The following CEP89 variants were observed in gnomAD, a reference collection of about 807,000 sequenced individuals.
The protein encoded by CEP89 is centrosomal protein of 89 kDa.
In CEP89, 95 loss-of-function variants were observed where a neutral mutation model predicts 97.6. The observed-to-expected ratio is 0.97, with a 90% CI of 0.82 to 1.15. CEP89 has a LOEUF of 1.15. CEP89 is among the 50% of genes most tolerant of loss of function. CEP89 has a pLI of 0.00. For synonymous variants in CEP89, 354 were observed against 349.1 expected, an observed-to-expected ratio of 1.01 and a Z score of -0.16; for missense variants, 869 against 947.7, an observed-to-expected ratio of 0.92 and a Z score of 1.09.
In CEP89 at chr19:32,953,773, T is replaced by A. The variant is rs1263458874; in HGVS notation, c.334A>T (p.Arg112Ter). Residue 112 changes from arginine to a stop codon, truncating the protein, a stop_gained, in exon 4 of 19, where the codon AGA (arginine) becomes TGA (stop). Transcript: ENST00000305768. LOFTEE classifies it high-confidence loss of function. ...RPNWQSEMGR[R>*]SSLPSFETLD... ...GTTTCAAAGGATGGCAAAGAAGATC[T>A]TCTTCCCATCTCACTCTGCCAATTT... is the stretch of plus-strand genomic sequence containing the variant. The A allele has an allele frequency of 6.2e-7, 1 of 1,614,068 alleles. No homozygotes were observed. Among genetic ancestry groups the A allele is most frequent in the Middle Eastern group, 1.7e-4 (1 of 6,058 alleles).
chr19:32,967,321 C>T (rs1040847975), intron 1 of CEP89, among the ~76,000 whole-genome samples: 1 of 152,116 alleles, frequency 6.6e-6, no homozygotes, highest in Admixed American at 6.6e-5. Context: ...GTTTCTGGGT[C>T]TAGTCCAATC....
chr19:32,899,396 G>A (rs1969716264), intron 16 of CEP89, among the ~76,000 whole-genome samples: 2 of 152,236 alleles, frequency 1.3e-5, no homozygotes, highest in Non-Finnish European at 2.9e-5. Flanking sequence ...AGCTTCCTGA[G>A]TAGCTGGGAC....
intron 14 of CEP89, among the ~76,000 whole-genome samples, chr19:32,902,433 A>G (rs769969464): frequency 4.6e-5 from 7 of 152,254 alleles, no homozygotes; most frequent in African/African-American, 7.2e-5. Context: ...GAACTGGATT[A>G]ACGATAAAAG....
intron 10 of CEP89, among the ~76,000 whole-genome samples, chr19:32,926,477 T>A (rs1464766643): frequency 6.6e-6 from 1 of 152,172 alleles, no homozygotes; most frequent in Non-Finnish European, 1.5e-5. Flanking sequence ...GGGATCTATA[T>A]GGCCACTTAA....
At chr19:32,919,530 G>T (rs954616509) in intron 12 of CEP89, among the ~76,000 whole-genome samples, 2 of 152,186 alleles carry the variant, frequency 1.3e-5, no homozygotes. Context: ...CACTGTGGGG[G>T]TGCCTCTTGC....
chr19:32,929,230 T>C (rs1970420945), intron 9 of CEP89, among the ~76,000 whole-genome samples: 1 of 152,104 alleles, frequency 6.6e-6, no homozygotes, highest in Non-Finnish European at 1.5e-5. Flanking sequence ...CAAATGTACG[T>C]GATATACAAA....
At chr19:32,968,539 C>A (rs1489084837) in intron 1 of CEP89, among the ~76,000 whole-genome samples, 1 of 152,236 alleles carries the variant, frequency 6.6e-6, no homozygotes, top group Non-Finnish European at 1.5e-5. Context: ...TGAACCACTG[C>A]ACCTGGCCAG....
At chr19:32,907,544 T>C (rs951241366) in intron 14 of CEP89, among the ~76,000 whole-genome samples, 1 of 151,798 alleles carries the variant, frequency 6.6e-6, no homozygotes, top group African/African-American at 2.4e-5. Flanking sequence ...CTCCACCTCC[T>C]GGGTTCAAGC....
intron 14 of CEP89, among the ~76,000 whole-genome samples, chr19:32,901,629 T>C (rs1045614652): frequency 6.6e-6 from 1 of 151,380 alleles, no homozygotes; most frequent in Non-Finnish European, 1.5e-5. Flanking sequence ...GGGCACACAC[T>C]ACGTGTGTGT....
chr19:32,950,319 G>C (rs1337312109), intron 4 of CEP89, among the ~76,000 whole-genome samples: 1 of 152,174 alleles, frequency 6.6e-6, no homozygotes, highest in Non-Finnish European at 1.5e-5. Flanking sequence ...AGCACTTTGG[G>C]AGGCTAAGGC....
intron 16 of CEP89, among the ~76,000 whole-genome samples, chr19:32,891,185 C>T (rs1724506760): frequency 6.6e-6 from 1 of 152,246 alleles, no homozygotes; most frequent in South Asian, 2.1e-4. Flanking sequence ...CCTCCAGCCG[C>T]AGAGCCCTGC....
Position 32,899,930 on chromosome 19 carries a change from G to A in CEP89, c.1802C>T (p.Ala601Val), listed in dbSNP as rs142221983. 2 of 1,613,886 alleles carry A rather than the reference G, an allele frequency of 1.2e-6. No homozygotes were observed. Among genetic ancestry groups the A allele is most frequent in the African/African-American group, 2.7e-5 (2 of 75,022 alleles). ...VEKAMGNEMS[A>V]HQYLANLVGL... is the part of the protein sequence containing the mutation. ...AACAAGGTTTGCCAGGTACTGATGAGCAGACATTTCGTTCCCCATGGCTTT... is the reference window on the plus strand; with the variant it reads ...AACAAGGTTTGCCAGGTACTGATGAACAGACATTTCGTTCCCCATGGCTTT... Residue 601 changes from alanine to valine, a missense_variant, in exon 16 of 19, where the codon GCT becomes GTT. Coordinates refer to ENST00000305768, the MANE Select transcript of CEP89 (RefSeq NM_032816.5).
At chr19:32,932,983 T>C (rs1970506753) in intron 8 of CEP89, among the ~76,000 whole-genome samples, 1 of 151,936 alleles carries the variant, frequency 6.6e-6, no homozygotes, top group Admixed American at 6.6e-5. Context: ...GGCAGCTTTA[T>C]GAAAGAAAAA....
chr19:32,931,284 G>C, intron 9 of CEP89, 145 bp downstream of exon 9: 1 of 683,536 alleles, frequency 1.5e-6, no homozygotes. Flanking sequence ...GCAAGAAACA[G>C]AATGGTCCTT....
chr19:32,895,834 T>C (rs1405353975), intron 16 of CEP89, among the ~76,000 whole-genome samples: 1 of 151,538 alleles, frequency 6.6e-6, no homozygotes, highest in Non-Finnish European at 1.5e-5. Flanking sequence ...CAATAATGAA[T>C]TCCCTGAAAA....
chr19:32,917,784 A>G (rs1374494719), intron 13 of CEP89: 3 of 985,074 alleles, frequency 3.0e-6, no homozygotes, highest in Admixed American at 6.1e-5. Context: ...TCTAACCTGC[A>G]GTGATGTCGC....
Position 32,880,252 on chromosome 19 carries a change from T to C in CEP89, c.2136-874A>G, listed in dbSNP as rs147063451. ...CACTGCCAGATGGTTCTGGAAAATGTTGGAAACTGGATTTGCAGGTGGACT... is the reference window on the plus strand; with the variant it reads ...CACTGCCAGATGGTTCTGGAAAATGCTGGAAACTGGATTTGCAGGTGGACT... On this transcript the variant is annotated intron_variant, in intron 18 of 18. Coordinates refer to ENST00000305768, the MANE Select transcript of CEP89 (RefSeq NM_032816.5). Among the ~76,000 whole-genome samples, 458 of 152,274 alleles carry C rather than the reference T, an allele frequency of 3.0e-3. 3 individuals carry two copies. The highest frequency in any genetic ancestry group is 0.01 in the African/African-American group (429 of 41,562).
chr19:32,954,329 T>A (rs1172224299), intron 3 of CEP89, among the ~76,000 whole-genome samples: 3 of 152,034 alleles, frequency 2.0e-5, no homozygotes, highest in Non-Finnish European at 4.4e-5. Context: ...ACTGCATACA[T>A]ATACAATTTG....
intron 5 of CEP89, among the ~76,000 whole-genome samples, chr19:32,944,241 T>TA (rs1394433117): frequency 2.0e-5 from 1 of 49,514 alleles, no homozygotes; most frequent in Non-Finnish European, 4.1e-5. Flanking sequence ...AAAAAAAGAC[T>TA]CTTCTTCTGA....
Sources: allele counts gnomAD v4.1 joint callset (sites outside exome capture counted in the v4.1 genomes callset), GRCh38; gene constraint gnomAD v4.1.1; transcripts MANE v1.5; gene names NCBI Gene and HGNC (gene_info 2026-07-23, HGNC 2026-07-21).